ATP8A2: variants seen among roughly 807,000 people sequenced by gnomAD.
ATP8A2 encodes phospholipid-transporting ATPase IB.
Under a neutral mutation model 165.6 loss-of-function variants are expected in ATP8A2, and 100 were observed. The ratio of observed to expected loss-of-function variants is 0.60; its 90% CI spans 0.51 to 0.71. The LOEUF (loss-of-function observed/expected upper bound fraction) is 0.71, where lower values mean the gene tolerates loss of function less well. ATP8A2 is among the 30% of genes least tolerant of loss of function. The pLI is 0.00. For synonymous variants in ATP8A2, 543 were observed against 548.8 expected (o/e 0.99, Z 0.15); for missense variants, 1,227 against 1,479.5 (o/e 0.83, Z 2.80).
chr13:25,930,116 A>T (rs11149410), intron 33 of ATP8A2, among the ~76,000 whole-genome samples: 67,009 of 151,872 alleles, frequency 0.44, 16,469 homozygotes, highest in East Asian at 0.72. Context: ...GGTCTTTGCC[A>T]GTCTGCCCCT....
chr13:25,646,654 CAA>C (rs71186893), intron 24 of ATP8A2, among the ~76,000 whole-genome samples: 1 of 8,002 alleles, frequency 1.2e-4, no homozygotes, highest in Middle Eastern at 0.05. Flanking sequence ...GACTCCATCT[CAA>C]AAAAAAAAAA....
At chr13:25,561,328 G>A (rs549193494) in intron 15 of ATP8A2, among the ~76,000 whole-genome samples, 29 of 152,112 alleles carry the variant, frequency 1.9e-4, no homozygotes, top group African/African-American at 5.8e-4. Flanking sequence ...CTCTTGGGTT[G>A]ATCCTCCAGT....
chr13:25,799,880 G>A (rs1950585518), intron 27 of ATP8A2, among the ~76,000 whole-genome samples: 1 of 152,128 alleles, frequency 6.6e-6, no homozygotes, highest in African/African-American at 2.4e-5. Flanking sequence ...AAACAAAATT[G>A]GCTGTTTCCA....
chr13:25,619,224 G>A (rs556847599), intron 24 of ATP8A2, among the ~76,000 whole-genome samples: 97 of 152,220 alleles, frequency 6.4e-4, no homozygotes, highest in African/African-American at 2.2e-3. Context: ...TGGGGGCCTT[G>A]CAGGGGCACA....
chr13:25,717,357 A>G (rs1203377742), intron 25 of ATP8A2, among the ~76,000 whole-genome samples: 2 of 149,766 alleles, frequency 1.3e-5, no homozygotes, highest in Admixed American at 1.3e-4. Flanking sequence ...GAGTGCTGAG[A>G]ATGGGTTAGG....
intron 1 of ATP8A2, among the ~76,000 whole-genome samples, chr13:25,429,334 C>G (rs2034537101): frequency 6.9e-6 from 1 of 145,784 alleles, no homozygotes; most frequent in East Asian, 2.0e-4. Context: ...GGAGCCATTG[C>G]ACTCCAGCCT....
chr13:25,714,246 C>T (rs1422523263), intron 25 of ATP8A2, among the ~76,000 whole-genome samples: 1 of 152,010 alleles, frequency 6.6e-6, no homozygotes, highest in African/African-American at 2.4e-5. Context: ...TTTCTGTGTC[C>T]CGGCCACATT....
chr13:25,384,308 T>G (rs779919676), intron 1 of ATP8A2, among the ~76,000 whole-genome samples: 1 of 152,226 alleles, frequency 6.6e-6, no homozygotes, highest in Non-Finnish European at 1.5e-5. Flanking sequence ...TTTTATTCCA[T>G]TTGTTGTCTG....
chr13:25,475,902 T>C (rs191630248), intron 2 of ATP8A2, among the ~76,000 whole-genome samples: 10 of 152,352 alleles, frequency 6.6e-5, no homozygotes, highest in Admixed American at 6.5e-4. Context: ...CAGTTCCTTA[T>C]AGGTGCTGGA....
At chr13:25,779,995 C>T (rs2044836680) in intron 27 of ATP8A2, among the ~76,000 whole-genome samples, 1 of 152,176 alleles carries the variant, frequency 6.6e-6, no homozygotes, top group South Asian at 2.1e-4. Flanking sequence ...TTTCAAAGCA[C>T]AGCAGCATCA....
At chr13:25,743,793 C>A (rs1413862143) in intron 25 of ATP8A2, among the ~76,000 whole-genome samples, 1 of 152,120 alleles carries the variant, frequency 6.6e-6, no homozygotes, top group East Asian at 1.9e-4. Flanking sequence ...TTTTTCTTAA[C>A]CTTAGCAAGA....
Position 25,862,293 on chromosome 13 carries a change from C to G in ATP8A2, c.3076-8C>G. ...GAAGCCTGTCTGAGTGTCTATTTCC[C>G]TCTGCAGTTCAGTCATCTGGCTGTC... On this transcript the variant is annotated splice_polypyrimidine_tract_variant and splice_region_variant and intron_variant, in intron 32 of 36. Coordinates refer to ENST00000381655, the MANE Select transcript of ATP8A2 (RefSeq NM_016529.6). 1 of 1,611,176 alleles carries G rather than the reference C, an allele frequency of 6.2e-7. No homozygotes were observed. Among genetic ancestry groups the G allele is most frequent in the Non-Finnish European group, 8.5e-7 (1 of 1,177,474 alleles).
At chr13:25,788,457 GAAGACAC>G (rs2045086634) in intron 27 of ATP8A2, among the ~76,000 whole-genome samples, 1 of 152,138 alleles carries the variant, frequency 6.6e-6, no homozygotes, top group Admixed American at 6.5e-5. Context: ...CTTTATAGAA[GAAGACAC>G]TGAGGCCGAG....
intron 1 of ATP8A2, among the ~76,000 whole-genome samples, chr13:25,450,888 G>A (rs888740075): frequency 1.3e-5 from 2 of 152,032 alleles, no homozygotes; most frequent in East Asian, 3.9e-4. Flanking sequence ...CTCCCAAAAT[G>A]CTGAGATTAT....
At chr13:25,373,640 C>T (rs1412107410) in intron 1 of ATP8A2, among the ~76,000 whole-genome samples, 2 of 152,118 alleles carry the variant, frequency 1.3e-5, no homozygotes, top group African/African-American at 4.8e-5. Context: ...ATCAAAGATG[C>T]CCCCAAGGGT....
intron 36 of ATP8A2, among the ~76,000 whole-genome samples, chr13:26,014,792 T>C (rs1275545053): frequency 6.6e-6 from 1 of 152,220 alleles, no homozygotes; most frequent in South Asian, 2.1e-4. Context: ...CTGAATAATT[T>C]TGGGAAACTT....
At chr13:25,416,457 T>C (rs965324555) in intron 1 of ATP8A2, among the ~76,000 whole-genome samples, 1 of 152,196 alleles carries the variant, frequency 6.6e-6, no homozygotes, top group East Asian at 1.9e-4. Context: ...TAAAATGTTA[T>C]CAATAGATTT....
chr13:25,828,817 C>T (rs1951382989), intron 28 of ATP8A2, among the ~76,000 whole-genome samples: 1 of 152,134 alleles, frequency 6.6e-6, no homozygotes, highest in East Asian at 1.9e-4. Context: ...GCTAAAATGG[C>T]TCAGTAGCTG....
intron 24 of ATP8A2, among the ~76,000 whole-genome samples, chr13:25,671,231 C>T (rs1240360185): frequency 6.6e-6 from 1 of 152,160 alleles, no homozygotes; most frequent in East Asian, 1.9e-4. Context: ...CCTGTCTTTA[C>T]TTTAGTCTCT....
Sources: allele counts gnomAD v4.1 joint callset (sites outside exome capture counted in the v4.1 genomes callset), GRCh38; gene constraint gnomAD v4.1.1; transcripts MANE v1.5; gene names NCBI Gene and HGNC (gene_info 2026-07-23, HGNC 2026-07-21).